BST1: variants seen among roughly 807,000 people sequenced by gnomAD.
BST1 encodes bone marrow stromal cell antigen 1, also known as ADP-ribosyl cyclase/cyclic ADP-ribose hydrolase 2.
In BST1, 49 loss-of-function variants were observed where a neutral mutation model predicts 40.6. The observed-to-expected ratio is 1.21, with a 90% CI of 0.96 to 1.53. BST1 has a LOEUF of 1.53. BST1 is among the 40% of genes most tolerant of loss of function. The pLI is 0.00. For synonymous variants in BST1, 157 were observed against 159.3 expected (o/e 0.99, Z 0.11); for missense variants, 423 against 395.9 (o/e 1.07, Z -0.58).
Position 15,711,804 on chromosome 4 carries a change from T to C in BST1, c.452-3T>C. ...AAAATGTGTTTGTCTACTTACCCCTTAGGACTCGATTACCAATCCTGCCCT... is the reference window on the plus strand; with the variant it reads ...AAAATGTGTTTGTCTACTTACCCCTCAGGACTCGATTACCAATCCTGCCCT... On this transcript the variant is annotated splice_polypyrimidine_tract_variant and splice_region_variant and intron_variant, in intron 3 of 8. Transcript: ENST00000265016. 1 of 1,611,736 alleles carries C rather than the reference T, an allele frequency of 6.2e-7. No individual in the cohort carries two copies. Among genetic ancestry groups the C allele is most frequent in the Non-Finnish European group, 8.5e-7 (1 of 1,177,840 alleles).
At position 15,710,015 on chromosome 4, in the gene BST1, C is replaced by T. The variant is rs116026944; in HGVS notation, c.452-1792C>T. ...TGAGGCAGCGTCTCACTCTGCCACC[C>T]GGGCTGTAATGCAGTGGTGTGATCC... On this transcript the variant is annotated intron_variant, in intron 3 of 8. Coordinates refer to ENST00000265016, the MANE Select transcript of BST1 (RefSeq NM_004334.3). Among the ~76,000 whole-genome samples, 1,392 of 152,080 alleles carry T rather than the reference C, an allele frequency of 9.2e-3. 21 individuals carry two copies. The highest frequency in any genetic ancestry group is 0.032 in the African/African-American group (1,324 of 41,484).
chr4:15,767,695 G>GT, the BST1 span, among the ~76,000 whole-genome samples: 23,307 of 145,200 alleles, frequency 0.16, 2,151 homozygotes, highest in African/African-American at 0.25. Flanking sequence ...ACACTTTATT[G>GT]TTTTTTTGGG....
the BST1 span, among the ~76,000 whole-genome samples, chr4:15,749,417 T>G: frequency 2.6e-5 from 4 of 152,218 alleles, no homozygotes; most frequent in Non-Finnish European, 5.9e-5. Flanking sequence ...GTTATTTTAC[T>G]TTATTCAGGG....
the BST1 span, among the ~76,000 whole-genome samples, chr4:15,747,445 AC>A: frequency 6.6e-6 from 1 of 152,138 alleles, no homozygotes; most frequent in South Asian, 2.1e-4. Context: ...TGATATCACT[AC>A]CATCAATCCT....
At chr4:15,725,097 A>G (rs1179892756) in intron 8 of BST1, among the ~76,000 whole-genome samples, 1 of 151,430 alleles carries the variant, frequency 6.6e-6, no homozygotes, top group Non-Finnish European at 1.5e-5. Context: ...GTCTTCTCTA[A>G]GCCACTGTCA....
chr4:15,767,593 G>A, the BST1 span, among the ~76,000 whole-genome samples: 11 of 146,110 alleles, frequency 7.5e-5, no homozygotes, highest in African/African-American at 2.3e-4. Flanking sequence ...GTGAGCCACC[G>A]TGCCCGGCCC....
At chr4:15,733,658 A>G (rs1721466066), downstream of BST1, among the ~76,000 whole-genome samples, 1 of 152,178 alleles carries the variant, frequency 6.6e-6, no homozygotes, top group Non-Finnish European at 1.5e-5. Flanking sequence ...CATGTCTTAC[A>G]TGGCCAGAGA....
intron 1 of BST1, 144 bp downstream of exon 1, chr4:15,703,476 T>G (rs1719662359): frequency 4.6e-6 from 6 of 1,305,728 alleles, no homozygotes; most frequent in East Asian, 3.2e-5. Flanking sequence ...GAGACAGCGA[T>G]GGTCCTGAAC....
intron 8 of BST1, among the ~76,000 whole-genome samples, chr4:15,728,535 C>T (rs1230414251): frequency 1.3e-5 from 2 of 150,030 alleles, no homozygotes; most frequent in Non-Finnish European, 3.0e-5. Flanking sequence ...ATATTGTAAC[C>T]TCAACCTCCT....
At chr4:15,713,703 T>A (rs1023967037) in intron 4 of BST1, among the ~76,000 whole-genome samples, 7 of 152,058 alleles carry the variant, frequency 4.6e-5, no homozygotes, top group Non-Finnish European at 1.5e-5. Context: ...TTTTTATTTT[T>A]ATTTTTATCT....
chr4:15,728,493 C>G, intron 8 of BST1, among the ~76,000 whole-genome samples: 1 of 147,708 alleles, frequency 6.8e-6, no homozygotes, highest in Non-Finnish European at 1.5e-5. Context: ...GCTCTGTCAC[C>G]CAGGCATGGA....
intron 4 of BST1, 39 bp from the exon 5 acceptor site, chr4:15,715,246 A>T (rs1270387935): frequency 6.3e-7 from 1 of 1,575,532 alleles, no homozygotes; most frequent in East Asian, 2.2e-5. Flanking sequence ...GAAAAATGTC[A>T]CGTCTTTATT....
chr4:15,707,669 A>G, intron 3 of BST1, 23 bp downstream of exon 3: 7 of 1,612,490 alleles, frequency 4.3e-6, no homozygotes, highest in Non-Finnish European at 5.9e-6. Context: ...CACAAATCAC[A>G]GGAGACTTAA....
chr4:15,753,385 G>A, the BST1 span, among the ~76,000 whole-genome samples: 305 of 152,278 alleles, frequency 2.0e-3, 4 homozygotes, highest in African/African-American at 6.9e-3. Context: ...GGTATCCATC[G>A]TATCTGTAGC....
intron 8 of BST1, among the ~76,000 whole-genome samples, chr4:15,728,713 G>C (rs1280449244): frequency 6.7e-6 from 1 of 149,118 alleles, no homozygotes; most frequent in Admixed American, 6.7e-5. Context: ...CTTGATCTTG[G>C]CTCATCACTG....
intron 8 of BST1, 109 bp downstream of exon 8, chr4:15,723,043 C>A: frequency 1.0e-6 from 1 of 1,001,236 alleles, no homozygotes; most frequent in Non-Finnish European, 1.5e-6. Context: ...TGTAAGTGTG[C>A]TCATTGGATT....
At chr4:15,744,923 C>A in the BST1 span, among the ~76,000 whole-genome samples, 1 of 152,192 alleles carries the variant, frequency 6.6e-6, no homozygotes, top group East Asian at 1.9e-4. Flanking sequence ...TGTAAGTCAT[C>A]ACTTCTAGAC....
At chr4:15,705,432 A>G (rs2148876584) in intron 1 of BST1, 83 bp from the exon 2 acceptor site, 2 of 1,447,054 alleles carry the variant, frequency 1.4e-6, no homozygotes, top group Non-Finnish European at 9.3e-7. Context: ...AATCTCTTGT[A>G]AAGCTCTTAG....
chr4:15,707,855 C>CTCTCTCTCTCTCTA (rs544633858), intron 3 of BST1, among the ~76,000 whole-genome samples: 3 of 128,628 alleles, frequency 2.3e-5, no homozygotes, highest in African/African-American at 5.9e-5. Context: ...CTCTCTCTCT[C>CTCTCTCTCTCTCTA]TATATATATA....
Sources: gnomAD v4.1 joint callset for allele counts (sites outside exome capture counted in the v4.1 genomes callset) on GRCh38, gnomAD v4.1.1 for gene constraint, MANE v1.5 for transcripts, NCBI Gene and HGNC (gene_info 2026-07-23, HGNC 2026-07-21) for gene names.